SFRP1: variants seen among roughly 807,000 people sequenced by gnomAD.
SFRP1 encodes the protein secreted frizzled-related protein 1.
A neutral mutation model predicts 25.9 loss-of-function variants in SFRP1; 9 were observed. The ratio of observed to expected loss-of-function variants is 0.35; its 90% CI spans 0.21 to 0.61. SFRP1 has a LOEUF of 0.61. SFRP1 is among the 20% of genes least tolerant of loss of function. The pLI, the probability that SFRP1 is intolerant of heterozygous loss-of-function variation, is 0.78. For synonymous variants in SFRP1, 178 were observed against 174.0 expected, an observed-to-expected ratio of 1.02 and a Z score of -0.18; for missense variants, 346 against 418.2, an observed-to-expected ratio of 0.83 and a Z score of 1.51.
At chr8:41,277,049 T>C (rs1803580208) in intron 2 of SFRP1, 2 of 456,118 alleles carry the variant, frequency 4.4e-6, no homozygotes, top group Admixed American at 4.7e-5. Flanking sequence ...GTTAAGCTAA[T>C]GGTGCAAAAT....
In SFRP1 at chr8:41,265,178, C is replaced by T. The variant is rs765603358; in HGVS notation, c.934G>A (p.Val312Met). ...KNHECPTFQS[V>M]FK ...TGCCCCCGGGAGAATCACTTAAACA[C>T]GGACTGAAAGGTGGGGCACTCATGG... Residue 312 changes from valine to methionine, a missense_variant, in exon 3 of 3, where the codon GTG (valine) becomes ATG (methionine). By Grantham distance (21) the Val-to-Met change is conservative. Coordinates refer to ENST00000220772, the MANE Select transcript of SFRP1 (RefSeq NM_003012.5). 2.1e-5 allele frequency: 27 copies of T among 1,314,908 alleles called. No homozygotes were observed. The highest frequency in any genetic ancestry group is 2.2e-4 in the Middle Eastern group (1 of 4,564). 81.5% of individuals were successfully genotyped at this position (1,314,908 alleles called of 1,614,324 possible).
chr8:41,263,082 C>A lies in SFRP1; in HGVS notation c.*2085G>T, dbSNP rs1023353489. On this transcript the variant is annotated 3_prime_UTR_variant, in exon 3 of 3. Coordinates refer to ENST00000220772, the MANE Select transcript of SFRP1 (RefSeq NM_003012.5). ...CTAATGTTCCAGGTAAACCCCTCCA[C>A]TAAGGACTCTGCCGCAGAGAGAGGG... 4 of 152,460 alleles carry A rather than the reference C, an allele frequency of 2.6e-5. No individual in the cohort carries two copies. The highest frequency in any genetic ancestry group is 9.7e-5 in the African/African-American group (4 of 41,448). The allele number at this position is 152,460 out of a possible 1,614,324, so 9.4% of individuals were successfully genotyped here. A position where few individuals can be genotyped will look rare whatever the true frequency, so the allele number is the denominator to read the frequency against.
chr8:41,296,304 C>A (rs1465090610), intron 2 of SFRP1, among the ~76,000 whole-genome samples: 1 of 152,142 alleles, frequency 6.6e-6, no homozygotes, highest in African/African-American at 2.4e-5. Context: ...CTGAACAGGC[C>A]CAGAGTTTAT....
intron 2 of SFRP1, among the ~76,000 whole-genome samples, chr8:41,280,677 A>G (rs1803624320): frequency 6.6e-6 from 1 of 152,204 alleles, no homozygotes; most frequent in African/African-American, 2.4e-5. Context: ...TTGAGAAGAA[A>G]CAAACAAAAA....
chr8:41,304,938 C>T (rs986833705), intron 1 of SFRP1, among the ~76,000 whole-genome samples: 1 of 152,132 alleles, frequency 6.6e-6, no homozygotes, highest in African/African-American at 2.4e-5. Context: ...TCCCAGCAGA[C>T]GATGGCATGA....
intron 2 of SFRP1, among the ~76,000 whole-genome samples, chr8:41,285,418 C>T (rs886865816): frequency 1.3e-5 from 2 of 152,196 alleles, no homozygotes; most frequent in Non-Finnish European, 2.9e-5. Flanking sequence ...CAGCCTCCCT[C>T]ATTTCTTCCA....
At chr8:41,288,399 G>T (rs1013772353) in intron 2 of SFRP1, among the ~76,000 whole-genome samples, 3 of 151,642 alleles carry the variant, frequency 2.0e-5, no homozygotes, top group Admixed American at 6.6e-5. Flanking sequence ...TTAGCTAGGT[G>T]TGATGCTATG....
intron 2 of SFRP1, among the ~76,000 whole-genome samples, chr8:41,284,377 C>CCCCTCCCACATTGCTGGAGGG (rs1491063872): frequency 0.3 from 1,528 of 5,178 alleles, 133 homozygotes; most frequent in African/African-American, 0.37. Flanking sequence ...TGCTGGAGGG[C>CCCCTCCCACATTGCTGGAGGG]CCCCTCCCAC....
chr8:41,279,646 GC>G (rs1803610686), intron 2 of SFRP1, among the ~76,000 whole-genome samples: 1 of 152,042 alleles, frequency 6.6e-6, no homozygotes, highest in African/African-American at 2.4e-5. Flanking sequence ...TGCTTTTCAG[GC>G]CTGGGGGCAG....
chr8:41,265,571 A>G, intron 2 of SFRP1, 82 bp from the exon 3 acceptor site: 1 of 907,036 alleles, frequency 1.1e-6, no homozygotes, highest in Non-Finnish European at 1.6e-6. Context: ...TTGATCCTCA[A>G]AGTGATTGCA....
At chr8:41,285,869 C>G (rs1167433909) in intron 2 of SFRP1, among the ~76,000 whole-genome samples, 1 of 152,168 alleles carries the variant, frequency 6.6e-6, no homozygotes, top group African/African-American at 2.4e-5. Context: ...TGCCAATGAT[C>G]CCTCCCAGCC....
chr8:41,290,886 CTTTTTTTTTTTTTTTTTTTTTT>C (rs561965318), intron 2 of SFRP1, among the ~76,000 whole-genome samples: 6 of 53,874 alleles, frequency 1.1e-4, no homozygotes, highest in Non-Finnish European at 1.6e-4. Flanking sequence ...TCTTCCTCGT[CTTTTTTTTTTTTTTTTTTTTTT>C]TTTTTTTTTT....
At chr8:41,278,941 G>A (rs998886056) in intron 2 of SFRP1, among the ~76,000 whole-genome samples, 2 of 152,022 alleles carry the variant, frequency 1.3e-5, no homozygotes, top group Non-Finnish European at 2.9e-5. Flanking sequence ...TGAAGGAAGG[G>A]GGTGCAGGTC....
chr8:41,271,395 C>A (rs1585505366), intron 2 of SFRP1: 1 of 147,736 alleles, frequency 6.8e-6, no homozygotes. Flanking sequence ...AAAAAAAAAA[C>A]TTTTCACTTT....
At chr8:41,266,345 A>G (rs1803435488) in intron 2 of SFRP1, among the ~76,000 whole-genome samples, 1 of 152,272 alleles carries the variant, frequency 6.6e-6, no homozygotes, top group Middle Eastern at 3.4e-3. Context: ...GCTTTAAGAG[A>G]AAAAAGGGTC....
intron 2 of SFRP1, among the ~76,000 whole-genome samples, chr8:41,280,742 G>A (rs1347510869): frequency 1.3e-5 from 2 of 152,216 alleles, no homozygotes; most frequent in Non-Finnish European, 2.9e-5. Context: ...AGCACCTGCA[G>A]AGGGACAAAC....
chr8:41,267,041 G>A (rs146297827), intron 2 of SFRP1, among the ~76,000 whole-genome samples: 1 of 152,316 alleles, frequency 6.6e-6, no homozygotes, highest in African/African-American at 2.4e-5. Flanking sequence ...CAGCACTAAT[G>A]TTCTGCCAAC....
intron 1 of SFRP1, among the ~76,000 whole-genome samples, chr8:41,304,632 ACCATGGCTT>A (rs1468117006): frequency 6.6e-6 from 1 of 152,088 alleles, no homozygotes; most frequent in Non-Finnish European, 1.5e-5. Context: ...ATCCTCCTCC[ACCATGGCTT>A]CCGTGGCAGC....
At chr8:41,279,207 G>A (rs1179956191) in intron 2 of SFRP1, among the ~76,000 whole-genome samples, 5 of 152,094 alleles carry the variant, frequency 3.3e-5, no homozygotes, top group Non-Finnish European at 7.4e-5. Context: ...CACACGTGGG[G>A]CACACAAATG....
Sources: allele counts gnomAD v4.1 joint callset (sites outside exome capture counted in the v4.1 genomes callset), GRCh38; gene constraint gnomAD v4.1.1; transcripts MANE v1.5; gene names NCBI Gene and HGNC (gene_info 2026-07-23, HGNC 2026-07-21).